The following JAK2 variants were observed in gnomAD, a reference collection of about 807,000 sequenced individuals.
JAK2 encodes the protein tyrosine-protein kinase JAK2.
A neutral mutation model predicts 139.3 loss-of-function variants in JAK2; 86 were observed. The ratio of observed to expected loss-of-function variants is 0.62; its 90% confidence interval spans 0.52 to 0.74. The LOEUF (loss-of-function observed/expected upper bound fraction) is 0.74, where lower values mean the gene tolerates loss of function less well. JAK2 is among the 30% of genes least tolerant of loss of function. The pLI is 0.00. For missense variants in JAK2, 1,421 were observed against 1,360.3 expected, an observed-to-expected ratio of 1.04 and a Z score of -0.70; for synonymous variants, 490 against 437.7, an observed-to-expected ratio of 1.12 and a Z score of -1.49.
rs114008742 is a variant in JAK2, at chr9:5,095,340, A to G, written c.3059+4429A>G. ...GAACAGGCCTAGGAATAAATATAGT[A>G]GTTCTTACCCCCATCTTGATTAAAA... is the stretch of plus-strand genomic sequence containing the variant. On this transcript the variant is annotated intron_variant, in intron 22 of 24. Transcript: ENST00000381652. Among the ~76,000 whole-genome samples, 452 of 152,182 alleles carry G rather than the reference A, an allele frequency of 3.0e-3. 3 individuals carry two copies. The highest frequency in any genetic ancestry group is 0.01 in the African/African-American group (432 of 41,456).
chr9:4,991,951 C>T (rs1820279932), intron 2 of JAK2, among the ~76,000 whole-genome samples: 1 of 152,144 alleles, frequency 6.6e-6, no homozygotes, highest in Non-Finnish European at 1.5e-5. Context: ...ATTGCTATTG[C>T]TGTGTAACAG....
chr9:5,041,724 G>T, intron 4 of JAK2: 1 of 498,568 alleles, frequency 2.0e-6, no homozygotes, highest in East Asian at 5.6e-5. Context: ...CGAGGGGCTC[G>T]GGAAGCCCTT....
intron 19 of JAK2, chr9:5,086,250 G>A (rs1391171450): frequency 7.3e-6 from 4 of 545,878 alleles, no homozygotes; most frequent in Non-Finnish European, 4.8e-6. Flanking sequence ...CGGTAGGATG[G>A]TGGCTCCGCC....
At chr9:5,120,621 T>C (rs1823543679) in intron 22 of JAK2, among the ~76,000 whole-genome samples, 1 of 152,198 alleles carries the variant, frequency 6.6e-6, no homozygotes, top group Admixed American at 6.5e-5. Context: ...CTCTTTTTAC[T>C]ACAGAAGTAC....
chr9:5,035,105 C>A (rs980486713), intron 4 of JAK2, among the ~76,000 whole-genome samples: 1 of 152,204 alleles, frequency 6.6e-6, no homozygotes, highest in Non-Finnish European at 1.5e-5. Context: ...CTATAAACAC[C>A]TCTACATGAA....
intron 4 of JAK2, among the ~76,000 whole-genome samples, chr9:5,038,321 C>G (rs1423800211): frequency 6.6e-6 from 1 of 151,930 alleles, no homozygotes; most frequent in African/African-American, 2.4e-5. Flanking sequence ...AAGCCCAGGC[C>G]CAAGTGGCTT....
intron 9 of JAK2, among the ~76,000 whole-genome samples, chr9:5,065,491 G>A (rs1370850661): frequency 2.0e-5 from 3 of 152,158 alleles, no homozygotes; most frequent in East Asian, 1.9e-4. Context: ...TTCCTGCAGC[G>A]ATGAAAATAT....
At chr9:5,110,850 C>T (rs1822430323) in intron 22 of JAK2, 3 of 471,532 alleles carry the variant, frequency 6.4e-6, no homozygotes, top group East Asian at 5.1e-5. Context: ...GTGGGGGGGA[C>T]GCTTCATGCC....
intron 19 of JAK2, among the ~76,000 whole-genome samples, chr9:5,088,296 T>C (rs932730394): frequency 6.6e-6 from 1 of 152,196 alleles, no homozygotes; most frequent in African/African-American, 2.4e-5. Context: ...GATTTAACTT[T>C]GAGCCTACAT....
intron 13 of JAK2, among the ~76,000 whole-genome samples, chr9:5,073,219 G>A (rs1174002067): frequency 6.6e-6 from 1 of 152,216 alleles, no homozygotes; most frequent in African/African-American, 2.4e-5. Context: ...ATCATACCCA[G>A]GGGTTCTAGT....
chr9:5,097,418 C>G (rs1205344763), intron 22 of JAK2: 1 of 152,152 alleles, frequency 6.6e-6, no homozygotes, highest in African/African-American at 2.4e-5. Flanking sequence ...GGGATGATCT[C>G]CCATGTCGTG....
intron 2 of JAK2, among the ~76,000 whole-genome samples, chr9:5,001,539 C>G (rs1587809151): frequency 6.6e-6 from 1 of 152,074 alleles, no homozygotes; most frequent in Non-Finnish European, 1.5e-5. Flanking sequence ...ATAAAACCCA[C>G]TTGGTGATGG....
chr9:5,104,178 A>C (rs1053434697), intron 22 of JAK2, among the ~76,000 whole-genome samples: 1 of 152,130 alleles, frequency 6.6e-6, no homozygotes, highest in African/African-American at 2.4e-5. Context: ...AAGACTAATA[A>C]AGAAGAAAAG....
chr9:5,057,314 T>TTG (rs772498134), intron 8 of JAK2, among the ~76,000 whole-genome samples: 20 of 152,138 alleles, frequency 1.3e-4, no homozygotes, highest in Non-Finnish European at 2.5e-4. Context: ...TCCCAGTGTA[T>TTG]TATGTGTTAG....
chr9:4,999,027 G>A (rs939226982), intron 2 of JAK2, among the ~76,000 whole-genome samples: 4 of 151,522 alleles, frequency 2.6e-5, no homozygotes, highest in East Asian at 1.9e-4. Context: ...GGGTTTCACC[G>A]TGTTAGCCAG....
intron 22 of JAK2, chr9:5,111,864 C>T (rs1220332851): frequency 1.6e-5 from 6 of 384,220 alleles, no homozygotes; most frequent in Non-Finnish European, 3.1e-5. Flanking sequence ...TCCTGGGCTC[C>T]CGAGGGACCA....
intron 13 of JAK2, among the ~76,000 whole-genome samples, chr9:5,072,910 G>A (rs992623566): frequency 9.9e-5 from 15 of 152,070 alleles, no homozygotes; most frequent in Admixed American, 6.6e-4. Context: ...GCTCCCCAGA[G>A]CTTTATGGGT....
chr9:4,999,132 G>A (rs1042250146), intron 2 of JAK2, among the ~76,000 whole-genome samples: 1 of 152,100 alleles, frequency 6.6e-6, no homozygotes, highest in Non-Finnish European at 1.5e-5. Context: ...GGCTCAGGAG[G>A]TCTTTTAAGC....
At chr9:5,086,341 CCT>C (rs985098962) in intron 19 of JAK2, among the ~76,000 whole-genome samples, 3 of 152,154 alleles carry the variant, frequency 2.0e-5, no homozygotes, top group African/African-American at 7.2e-5. Context: ...TCGCTTCACT[CCT>C]AGCGGTTTTG....
Sources: gnomAD v4.1 joint callset for allele counts (sites outside exome capture counted in the v4.1 genomes callset) on GRCh38, gnomAD v4.1.1 for gene constraint, MANE v1.5 for transcripts, NCBI Gene and HGNC (gene_info 2026-07-23, HGNC 2026-07-21) for gene names.